The following PRELID3A variants were observed in gnomAD, a reference collection of about 807,000 sequenced individuals.
PRELID3A encodes the protein PRELI domain containing 3A.
In PRELID3A, 27 loss-of-function variants were observed where a neutral mutation model predicts 23.0. That is an observed-to-expected ratio of 1.17 (90% CI 0.87 to 1.62). PRELID3A has a LOEUF of 1.62. PRELID3A is among the 40% of genes most tolerant of loss of function. PRELID3A has a pLI of 0.00. For missense variants in PRELID3A, 231 were observed against 231.4 expected (o/e 1.00, Z 0.01); for synonymous variants, 87 against 86.4 (o/e 1.01, Z -0.04).
intron 3 of PRELID3A, among the ~76,000 whole-genome samples, 158 bp downstream of exon 3, chr18:12,421,787 G>A (rs1239919110): frequency 6.6e-6 from 1 of 152,070 alleles, no homozygotes; most frequent in African/African-American, 2.4e-5. Context: ...TTTTATTCAA[G>A]TATAATAAGT....
chr18:12,419,971 C>G (rs1340355770), intron 1 of PRELID3A: 4 of 323,282 alleles, frequency 1.2e-5, no homozygotes, highest in African/African-American at 6.5e-5. Flanking sequence ...CGCCTGTAGT[C>G]CCAGCTACTG....
Position 12,431,881 on chromosome 18 carries a change from C to G in PRELID3A, c.*765C>G, listed in dbSNP as rs2143417911. The G allele has an allele frequency of 6.6e-6, 1 of 152,376 alleles. No individual in the cohort carries two copies. The highest frequency in any genetic ancestry group is 2.4e-5 in the African/African-American group (1 of 41,572). The allele number at this position is 152,376 out of a possible 1,614,324, so 9.4% of individuals were successfully genotyped here. A position where few individuals can be genotyped will look rare whatever the true frequency, so the allele number is the denominator to read the frequency against. ...CTGCCTCGCTGCTTGCCAGCCTCAC[C>G]TGCTGGGGCTGGAGGCCATGGATCC... On this transcript the variant is annotated 3_prime_UTR_variant, in exon 7 of 7. Coordinates refer to ENST00000440960, the MANE Select transcript of PRELID3A (RefSeq NM_001142405.2).
At chr18:12,430,091 G>A (rs567326130) in intron 6 of PRELID3A, among the ~76,000 whole-genome samples, 7 of 152,222 alleles carry the variant, frequency 4.6e-5, no homozygotes, top group Admixed American at 1.3e-4. Context: ...TCTGTCCCCC[G>A]TGTGTGTGGG....
chr18:12,410,153 G>C (rs1002320286), intron 1 of PRELID3A, among the ~76,000 whole-genome samples: 13 of 152,370 alleles, frequency 8.5e-5, no homozygotes, highest in Admixed American at 1.3e-4. Context: ...GGCTCACCAT[G>C]TGGTAGAGTG....
chr18:12,412,636 A>G lies in PRELID3A; in HGVS notation c.32+4629A>G, dbSNP rs1299772218. On this transcript the variant is annotated intron_variant, in intron 1 of 6. Coordinates refer to ENST00000440960, the MANE Select transcript of PRELID3A (RefSeq NM_001142405.2). ...GGGCATTAAGTTTTCCTCTTATTACAAATCGAACTGCAGTGACCAGCCCTG... is the reference window on the plus strand; with the variant it reads ...GGGCATTAAGTTTTCCTCTTATTACGAATCGAACTGCAGTGACCAGCCCTG... 3.3e-5 allele frequency among the ~76,000 whole-genome samples: 5 copies of G among 152,300 alleles called. No individual in the cohort carries two copies. The South Asian group carries it at 8.3e-4, about 25-fold the overall frequency.
intron 1 of PRELID3A, among the ~76,000 whole-genome samples, chr18:12,409,316 G>C (rs1450605442): frequency 6.6e-6 from 1 of 151,820 alleles, no homozygotes; most frequent in South Asian, 2.1e-4. Context: ...ACAGGTGTGG[G>C]CCATCACGCC....
At chr18:12,409,174 T>TTTG (rs1407611439) in intron 1 of PRELID3A, among the ~76,000 whole-genome samples, 19 of 138,556 alleles carry the variant, frequency 1.4e-4, no homozygotes, top group Non-Finnish European at 2.6e-4. Flanking sequence ...TTTTTTTTTT[T>TTTG]TTTTTTTTTT....
intron 3 of PRELID3A, among the ~76,000 whole-genome samples, chr18:12,425,994 T>G (rs538874336): frequency 6.6e-6 from 1 of 151,824 alleles, no homozygotes; most frequent in African/African-American, 2.4e-5. Flanking sequence ...CCCAACACTT[T>G]GGGAGGGTAA....
At chr18:12,420,909 A>G (rs1291766745) in intron 2 of PRELID3A, among the ~76,000 whole-genome samples, 1 of 151,866 alleles carries the variant, frequency 6.6e-6, no homozygotes, top group African/African-American at 2.4e-5. Flanking sequence ...GGCCTGCTGG[A>G]TTAGCACTGC....
intron 1 of PRELID3A, among the ~76,000 whole-genome samples, chr18:12,415,399 A>G (rs1446981612): frequency 6.6e-6 from 1 of 152,054 alleles, no homozygotes; most frequent in East Asian, 1.9e-4. Context: ...AGCTGGGACT[A>G]CAGGTGTGCG....
At chr18:12,418,211 T>C (rs1282573516) in intron 1 of PRELID3A, among the ~76,000 whole-genome samples, 1 of 152,246 alleles carries the variant, frequency 6.6e-6, no homozygotes, top group East Asian at 1.9e-4. Flanking sequence ...GAATTAGATA[T>C]GTTGAAAGAC....
chr18:12,420,587 T>A, intron 2 of PRELID3A, 94 bp downstream of exon 2: 1 of 1,225,760 alleles, frequency 8.2e-7, no homozygotes, highest in Non-Finnish European at 1.1e-6. Flanking sequence ...CATCAGTGCC[T>A]CTGCTGCTTT....
intron 1 of PRELID3A, among the ~76,000 whole-genome samples, chr18:12,408,518 C>G (rs556850877): frequency 6.6e-6 from 1 of 152,286 alleles, no homozygotes; most frequent in South Asian, 2.1e-4. Context: ...GAAGGCATTT[C>G]GGGGGCCCTG....
chr18:12,417,286 G>A (rs1442759572), intron 1 of PRELID3A, among the ~76,000 whole-genome samples: 1 of 152,062 alleles, frequency 6.6e-6, no homozygotes, highest in Non-Finnish European at 1.5e-5. Flanking sequence ...CAATTCTTCT[G>A]CCTCAGTCTC....
intron 1 of PRELID3A, among the ~76,000 whole-genome samples, chr18:12,418,873 A>G (rs1403572253): frequency 6.6e-6 from 1 of 152,170 alleles, no homozygotes; most frequent in Non-Finnish European, 1.5e-5. Flanking sequence ...GGTGACTTGC[A>G]ACCACTCTGA....
chr18:12,421,628 A>G lies in PRELID3A; in HGVS notation c.290A>G (p.Asn97Ser), dbSNP rs1034611184. 2 of 1,602,948 alleles carry G rather than the reference A, an allele frequency of 1.2e-6. No individual in the cohort carries two copies. Among genetic ancestry groups the G allele is most frequent in the Non-Finnish European group, 8.5e-7 (1 of 1,170,086 alleles). Residue 97 changes from asparagine (N) to serine (S), a missense_variant and splice_region_variant, in exon 3 of 7, where the codon AAT (asparagine) becomes AGT (serine). Coordinates refer to ENST00000440960, the MANE Select transcript of PRELID3A (RefSeq NM_001142405.2). ...AAGAAAATGGAACTTTGTTCTACCA[A>G]TGTAAGCAATGGCCTCAGATGAGAA... Reference protein sequence around the residue: ...VEKKMELCSTNITLTNLVSVN... With the variant: ...VEKKMELCSTSITLTNLVSVN...
chr18:12,421,486 A>T (rs576326642), intron 2 of PRELID3A, 54 bp from the exon 3 acceptor site: 1 of 1,038,008 alleles, frequency 9.6e-7, no homozygotes, highest in South Asian at 1.3e-5. Flanking sequence ...TTCGGTGGTG[A>T]TATGAAGTAG....
rs780831576 is a variant in PRELID3A, at chr18:12,408,018, G to A, written c.32+11G>A. 150 of 1,268,402 alleles carry A rather than the reference G, an allele frequency of 1.2e-4. No individual in the cohort carries two copies. The highest frequency in any genetic ancestry group is 1.4e-4 in the Non-Finnish European group (137 of 1,007,420). The allele number at this position is 1,268,402 out of a possible 1,614,324, so 78.6% of individuals were successfully genotyped here. A position where few individuals can be genotyped will look rare whatever the true frequency, so the allele number is the denominator to read the frequency against. Reference sequence around the variant, plus strand: ...GGAGCACGTGTTTGGGTGAGGCCGGGCTGAGGGCCGCGGTGGGGCCGTCCA... The same window carrying A: ...GGAGCACGTGTTTGGGTGAGGCCGGACTGAGGGCCGCGGTGGGGCCGTCCA... On this transcript the variant is annotated intron_variant, in intron 1 of 6. Coordinates refer to ENST00000440960, the MANE Select transcript of PRELID3A (RefSeq NM_001142405.2).
Position 12,427,029 on chromosome 18 carries a change from T to C in PRELID3A, c.292-12T>C, listed in dbSNP as rs2030400646. 7.5e-6 allele frequency: 12 copies of C among 1,602,890 alleles called. No homozygotes were observed. The East Asian group carries it at 2.7e-4, about 36-fold the overall frequency. ...AGAGAAATACAATCTAAACCTTTTTTTTCTTTTTAAGATCACACTCACAAA... is the reference window on the plus strand; with the variant it reads ...AGAGAAATACAATCTAAACCTTTTTCTTCTTTTTAAGATCACACTCACAAA... On this transcript the variant is annotated splice_polypyrimidine_tract_variant and intron_variant, in intron 3 of 6. Transcript: ENST00000440960.
Sources: allele counts gnomAD v4.1 joint callset (sites outside exome capture counted in the v4.1 genomes callset), GRCh38; gene constraint gnomAD v4.1.1; transcripts MANE v1.5; gene names NCBI Gene and HGNC (gene_info 2026-07-23, HGNC 2026-07-21).